CX3CR1: variants seen among roughly 807,000 people sequenced by gnomAD.
CX3CR1 encodes the protein C-X3-C motif chemokine receptor 1.
For missense variants in CX3CR1, 363 were observed against 432.4 expected, an observed-to-expected ratio of 0.84 and a Z score of 1.42; for synonymous variants, 168 against 178.5, an observed-to-expected ratio of 0.94 and a Z score of 0.47.
the CX3CR1 span, chr3:39,287,763 A>G: frequency 1.3e-5 from 2 of 152,238 alleles, no homozygotes; most frequent in South Asian, 4.1e-4. Flanking sequence ...CATGCAAAAG[A>G]GGCTGAGAGG....
At chr3:39,273,037 T>A (rs1416377555) in intron 1 of CX3CR1, among the ~76,000 whole-genome samples, 1 of 152,250 alleles carries the variant, frequency 6.6e-6, no homozygotes, top group African/African-American at 2.4e-5. Context: ...AGAGCCAGGA[T>A]CTCAACCCCA....
chr3:39,288,300 T>A, the CX3CR1 span, among the ~76,000 whole-genome samples: 1 of 152,190 alleles, frequency 6.6e-6, no homozygotes, highest in African/African-American at 2.4e-5. Flanking sequence ...TGCCAGGTAT[T>A]TAGAAAGCAC....
At chr3:39,291,457 G>A in the CX3CR1 span, among the ~76,000 whole-genome samples, 93 of 152,134 alleles carry the variant, frequency 6.1e-4, no homozygotes, top group Admixed American at 1.2e-3. Flanking sequence ...TTCCCCTCCC[G>A]CCTACTTGTC....
intron 1 of CX3CR1, among the ~76,000 whole-genome samples, chr3:39,273,390 CT>C (rs1233804033): frequency 6.6e-6 from 1 of 152,222 alleles, no homozygotes; most frequent in African/African-American, 2.4e-5. Context: ...GTCATTTTCT[CT>C]GGAGAGGAAA....
rs1043201924 is a variant in CX3CR1 at position 39,279,954 on chromosome 3, C to G, written c.-10G>C. The G allele has an allele frequency of 4.2e-5, 41 of 985,344 alleles. No individual in the cohort carries two copies. In the South Asian group the frequency reaches 1.6e-3, roughly 37 times the overall value. 61.0% of individuals were successfully genotyped at this position (985,344 alleles called of 1,614,324 possible). On this transcript the variant is annotated splice_region_variant and 5_prime_UTR_variant, in exon 1 of 2. Transcript: ENST00000399220. ...TACCCAACTAGTCCTGTGCACCTAC[C>G]TGGCGTGGACTGCCAAGGGAACCTC...
chr3:39,284,539 T>C (rs578023669), upstream of CX3CR1, among the ~76,000 whole-genome samples: 53 of 152,174 alleles, frequency 3.5e-4, no homozygotes, highest in Non-Finnish European at 7.3e-4. Flanking sequence ...GAGGGTGACA[T>C]GACAAAAGTA....
At chr3:39,276,602 G>GTGAC (rs2040843676) in intron 1 of CX3CR1, among the ~76,000 whole-genome samples, 1 of 152,212 alleles carries the variant, frequency 6.6e-6, no homozygotes, top group Non-Finnish European at 1.5e-5. Flanking sequence ...ATTCCACTGT[G>GTGAC]TGACTAGTCC....
the CX3CR1 span, among the ~76,000 whole-genome samples, chr3:39,289,414 CAGAG>C: frequency 6.6e-6 from 1 of 152,156 alleles, no homozygotes; most frequent in African/African-American, 2.4e-5. Context: ...TGGAGCCTCT[CAGAG>C]TAGCCTCCTT....
chr3:39,265,897 G>A lies in CX3CR1; in HGVS notation c.613C>T (p.Leu205Phe), dbSNP rs1365185879. The stretch of plus-strand genomic sequence containing the variant: ...CTGAAGTAGCAATAACTCATAATGA[G>A]CAGGGGGAGTAGGAAGCCAAGAAAA... ...TNFLGFLLPL[L>F]IMSYCYFRII... is the part of the protein sequence containing the mutation. The change falls in exon 2 of 2, where the codon CTC (leucine) becomes TTC (phenylalanine). Residue 205 changes from leucine (L) to phenylalanine (F), a missense_variant. Physicochemically the swap from Leu to Phe is conservative, Grantham distance 22. Coordinates refer to ENST00000399220, the MANE Select transcript of CX3CR1 (RefSeq NM_001337.4). 3.7e-6 allele frequency: 6 copies of A among 1,614,238 alleles called. No homozygotes were observed. Among genetic ancestry groups the A allele is most frequent in the Non-Finnish European group, 5.1e-6 (6 of 1,180,038 alleles).
Position 39,265,157 on chromosome 3 carries a change from A to G in CX3CR1, c.*285T>C, listed in dbSNP as rs2040677758. On this transcript the variant is annotated 3_prime_UTR_variant, in exon 2 of 2. Coordinates refer to ENST00000399220, the MANE Select transcript of CX3CR1 (RefSeq NM_001337.4). ...AATATGAACAATATTCACCACCCTCATTTAACTAAACTAGTCTGAGTTGAA... is the reference window on the plus strand; with the variant it reads ...AATATGAACAATATTCACCACCCTCGTTTAACTAAACTAGTCTGAGTTGAA... The G allele has an allele frequency of 5.9e-6, 2 of 340,856 alleles. No individual in the cohort carries two copies. The highest frequency in any genetic ancestry group is 4.2e-5 in the African/African-American group (2 of 47,296). The allele number at this position is 340,856 out of a possible 1,614,324, so 21.1% of individuals were successfully genotyped here.
At chr3:39,280,498 G>A, upstream of CX3CR1, 1 of 975,728 alleles carries the variant, frequency 1.0e-6, no homozygotes, top group Non-Finnish European at 1.2e-6. Context: ...CCCTATATCT[G>A]CTGAATTAGA....
At chr3:39,282,193 C>G (rs908616048), upstream of CX3CR1, among the ~76,000 whole-genome samples, 1 of 152,214 alleles carries the variant, frequency 6.6e-6, no homozygotes, top group Non-Finnish European at 1.5e-5. Context: ...TCTTGACACA[C>G]TCATGGAGAC....
At chr3:39,272,384 G>A (rs1053521874) in intron 1 of CX3CR1, among the ~76,000 whole-genome samples, 5 of 152,158 alleles carry the variant, frequency 3.3e-5, no homozygotes, top group African/African-American at 1.2e-4. Flanking sequence ...CACATCCGTG[G>A]CTGATCCTGG....
chr3:39,265,714 C>G lies in CX3CR1; in HGVS notation c.796G>C (p.Asp266His). The G allele has an allele frequency of 6.2e-7, 1 of 1,614,204 alleles. No homozygotes were observed. Among genetic ancestry groups the G allele is most frequent in the Non-Finnish European group, 8.5e-7 (1 of 1,180,028 alleles). Residue 266 changes from aspartate to histidine, a missense_variant, in exon 2 of 2, where the codon GAC becomes CAC. Coordinates refer to ENST00000399220, the MANE Select transcript of CX3CR1 (RefSeq NM_001337.4). ...LKLYDFFPSC[D>H]MRKDLRLALS... Reference sequence around the variant, plus strand: ...GCCAGCCTCAGATCCTTCCTCATGTCACAACTGGGAAAGAAGTCATAGAGC... The same window carrying G: ...GCCAGCCTCAGATCCTTCCTCATGTGACAACTGGGAAAGAAGTCATAGAGC...
In CX3CR1 at chr3:39,266,419, T is replaced by A. The variant is rs997718972; in HGVS notation, c.91A>T (p.Thr31Ser). Residue 31 changes from threonine (T) to serine (S), a missense_variant, in exon 2 of 2, where the codon ACT (threonine) becomes TCT (serine). Transcript: ENST00000399220. ...GAGTAGAATATGGACAGGAACACAGTCCCAAAGACCACGATGTCCCCAATA... is the reference window on the plus strand; with the variant it reads ...GAGTAGAATATGGACAGGAACACAGACCCAAAGACCACGATGTCCCCAATA... ...CYIGDIVVFG[T>S]VFLSIFYSVI... 3 of 1,614,080 alleles carry A rather than the reference T, an allele frequency of 1.9e-6. No homozygotes were observed. The African/African-American group carries it at 4.0e-5, about 22-fold the overall frequency.
upstream of CX3CR1, chr3:39,280,575 A>T (rs907644442): frequency 2.0e-5 from 13 of 644,910 alleles, no homozygotes; most frequent in Non-Finnish European, 2.5e-5. Flanking sequence ...TTTGGTACTG[A>T]AGGCATCTAG....
chr3:39,277,332 C>T (rs1313197604), intron 1 of CX3CR1, among the ~76,000 whole-genome samples: 1 of 152,190 alleles, frequency 6.6e-6, no homozygotes, highest in African/African-American at 2.4e-5. Context: ...CAACTTTCCC[C>T]TGGCTCTTCT....
Position 39,265,814 on chromosome 3 carries a change from C to T in CX3CR1, c.696G>A (p.Leu232=). The part of the protein sequence containing the change: ...KNHKKAKAIK[L]ILLVVIVFFL... ...AAAACACGATGACCACCAGAAGGAT[C>T]AGTTTAATGGCTTTGGCTTTCTTGT... is the stretch of plus-strand genomic sequence containing the variant. The change falls in exon 2 of 2, where the codon CTG becomes CTA. Residue 232 remains leucine, a synonymous_variant. Transcript: ENST00000399220. 1 of 1,614,138 alleles carries T rather than the reference C, an allele frequency of 6.2e-7. No homozygotes were observed. Among genetic ancestry groups the T allele is most frequent in the Non-Finnish European group, 8.5e-7 (1 of 1,179,976 alleles).
intron 1 of CX3CR1, among the ~76,000 whole-genome samples, chr3:39,266,885 G>A (rs2040708467): frequency 6.6e-6 from 1 of 152,174 alleles, no homozygotes; most frequent in Non-Finnish European, 1.5e-5. Flanking sequence ...TGGGGTTCAA[G>A]CGATTCTCCT....
Sources: gnomAD v4.1 joint callset for allele counts (sites outside exome capture counted in the v4.1 genomes callset) on GRCh38, gnomAD v4.1.1 for gene constraint, MANE v1.5 for transcripts, NCBI Gene and HGNC (gene_info 2026-07-23, HGNC 2026-07-21) for gene names.